Variants in TSHR observed in about 807,000 individuals in gnomAD.
The protein encoded by TSHR is thyroid stimulating hormone receptor, also known as thyrotropin receptor.
In TSHR, 51 loss-of-function variants were observed where a neutral mutation model predicts 64.1. The ratio of observed to expected loss-of-function variants is 0.80; its 90% CI spans 0.64 to 1.01. TSHR has a LOEUF of 1.01. TSHR is among the 50% of genes least tolerant of loss of function. The pLI is 0.00. For missense variants in TSHR, 877 were observed against 942.8 expected (o/e 0.93, Z 0.91); for synonymous variants, 361 against 361.9 (o/e 1.00, Z 0.03).
chr14:81,058,885 A>G (rs992503095), intron 1 of TSHR, among the ~76,000 whole-genome samples: 1 of 152,208 alleles, frequency 6.6e-6, no homozygotes, highest in Non-Finnish European at 1.5e-5. Context: ...TTCTTTGAGT[A>G]AAAGGCCTTC....
intron 7 of TSHR, chr14:81,099,525 T>A (rs1889435618): frequency 6.6e-6 from 1 of 152,144 alleles, no homozygotes; most frequent in African/African-American, 2.4e-5. Context: ...AATATCTTGA[T>A]CCTGAAAAGA....
chr14:81,086,064 T>C (rs971624167), intron 3 of TSHR, among the ~76,000 whole-genome samples: 1 of 152,206 alleles, frequency 6.6e-6, no homozygotes, highest in African/African-American at 2.4e-5. Flanking sequence ...TAGGTAAAAA[T>C]CATGACATAA....
chr14:81,055,012 C>A (rs146825600), intron 1 of TSHR, among the ~76,000 whole-genome samples: 222 of 152,180 alleles, frequency 1.5e-3, no homozygotes, highest in African/African-American at 5.2e-3. Context: ...TGTGGCAGCC[C>A]CTTTCATCAC....
intron 1 of TSHR, chr14:81,013,866 T>C (rs561410542): frequency 6.6e-6 from 1 of 152,302 alleles, no homozygotes; most frequent in East Asian, 1.9e-4. Flanking sequence ...TGGGATAGAG[T>C]ATAATCCTAG....
chr14:81,051,915 T>C (rs1885455305), intron 1 of TSHR: 2 of 152,158 alleles, frequency 1.3e-5, no homozygotes, highest in Non-Finnish European at 2.9e-5. Context: ...GAGTTCCTTA[T>C]ATATTTTTGA....
At chr14:80,957,812 AAG>A (rs1474944033) in intron 1 of TSHR, 5 of 152,208 alleles carry the variant, frequency 3.3e-5, no homozygotes, top group Admixed American at 1.3e-4. Flanking sequence ...TTCTGGGTAA[AAG>A]AGAATGTTCA....
At position 81,145,807 on chromosome 14, in the gene TSHR, C is replaced by A. The variant is rs1245903847; in HGVS notation, c.*1454C>A. 2 of 232,838 alleles carry A rather than the reference C, an allele frequency of 8.6e-6. No individual in the cohort carries two copies. The highest frequency in any genetic ancestry group is 1.7e-5 in the Non-Finnish European group (2 of 117,900). The allele number at this position is 232,838 out of a possible 1,614,324, so 14.4% of individuals were successfully genotyped here. On this transcript the variant is annotated 3_prime_UTR_variant, in exon 10 of 10. Transcript: ENST00000298171. The stretch of plus-strand genomic sequence containing the variant: ...GATCTTTATCTACAGATGTACTCTC[C>A]AGGTTACCTGTGATGATAGCCCCCT...
chr14:81,117,693 G>A lies in TSHR; in HGVS notation c.692+9241G>A, dbSNP rs1890583638. ...CATTTTATGAGGCCAGCATCATTCT[G>A]ATACCAAAGCCGGGCAGAGACACAA... is the stretch of plus-strand genomic sequence containing the variant. On this transcript the variant is annotated intron_variant, in intron 8 of 9. Coordinates refer to ENST00000298171, the MANE Select transcript of TSHR (RefSeq NM_000369.5). Among the ~76,000 whole-genome samples the A allele has an allele frequency of 3.3e-5, 3 of 90,862 alleles. No individual in the cohort carries two copies. The Admixed American group carries it at 3.5e-4, about 11-fold the overall frequency. 59.6% of individuals were successfully genotyped at this position (90,862 alleles called of 152,430 possible). A position where few individuals can be genotyped will look rare whatever the true frequency, so the allele number is the denominator to read the frequency against.
At position 81,085,104 on chromosome 14, in the gene TSHR, G is replaced by A. The variant is rs145678429; in HGVS notation, c.318-2850G>A. Among the ~76,000 whole-genome samples the A allele has an allele frequency of 3.9e-5, 6 of 152,244 alleles. No homozygotes were observed. The East Asian group carries it at 9.7e-4, about 25-fold the overall frequency. On this transcript the variant is annotated intron_variant, in intron 3 of 9. Transcript: ENST00000298171. ...GGCCTCCCAAATAGCTGGAATTACA[G>A]ACATAAGCCACCACACCCGGCTAAT...
chr14:81,046,360 G>A (rs78347131), intron 1 of TSHR, among the ~76,000 whole-genome samples: 1,523 of 152,066 alleles, frequency 0.01, 20 homozygotes, highest in Middle Eastern at 0.031. Flanking sequence ...AAGAAGACCT[G>A]AAAGGAACTT....
chr14:81,016,769 C>T (rs1883433907), intron 1 of TSHR, among the ~76,000 whole-genome samples: 2 of 151,992 alleles, frequency 1.3e-5, no homozygotes, highest in Non-Finnish European at 2.9e-5. Flanking sequence ...AGTTTGAGGA[C>T]TTATGTTTGG....
chr14:81,114,303 C>T (rs1189670598), intron 8 of TSHR, among the ~76,000 whole-genome samples: 1 of 152,116 alleles, frequency 6.6e-6, no homozygotes, highest in East Asian at 1.9e-4. Context: ...AGACAGTGGG[C>T]ACAGGTCAGT....
At chr14:81,088,873 G>T (rs1595087013) in intron 4 of TSHR, among the ~76,000 whole-genome samples, 1 of 152,066 alleles carries the variant, frequency 6.6e-6, no homozygotes, top group Admixed American at 6.6e-5. Flanking sequence ...TGAATAGAGG[G>T]TATCTTGAAC....
At chr14:80,959,115 G>A (rs939520833) in intron 1 of TSHR, among the ~76,000 whole-genome samples, 25 of 152,062 alleles carry the variant, frequency 1.6e-4, no homozygotes, top group East Asian at 1.5e-3. Context: ...AGAGAGTTAC[G>A]GACTGTGGCC....
chr14:80,983,158 C>G, intron 1 of TSHR: 1 of 941,260 alleles, frequency 1.1e-6, no homozygotes, highest in Non-Finnish European at 1.6e-6. Context: ...TGAGTAATTA[C>G]TCTGAATCCT....
intron 1 of TSHR, chr14:81,013,406 G>T (rs1890024253): frequency 6.6e-6 from 1 of 152,150 alleles, no homozygotes; most frequent in African/African-American, 2.4e-5. Context: ...TTTGGCTTAG[G>T]ATTGACTTGG....
At chr14:81,032,193 T>G (rs748826634) in intron 1 of TSHR, among the ~76,000 whole-genome samples, 2 of 152,186 alleles carry the variant, frequency 1.3e-5, no homozygotes, top group African/African-American at 4.8e-5. Context: ...TTGAGCAGCC[T>G]GAGACATCCA....
chr14:81,095,981 A>G (rs1889148186), intron 6 of TSHR, among the ~76,000 whole-genome samples: 1 of 150,768 alleles, frequency 6.6e-6, no homozygotes, highest in East Asian at 2.0e-4. Context: ...TCAAGGCTGC[A>G]GTGAGCCGTG....
intron 3 of TSHR, among the ~76,000 whole-genome samples, chr14:81,071,600 C>A (rs1018546310): frequency 6.6e-6 from 1 of 151,710 alleles, no homozygotes; most frequent in Admixed American, 6.6e-5. Context: ...CTTGTCTCTA[C>A]CAAAAAAAAA....
Sources: allele counts gnomAD v4.1 joint callset (sites outside exome capture counted in the v4.1 genomes callset), GRCh38; gene constraint gnomAD v4.1.1; transcripts MANE v1.5; gene names NCBI Gene and HGNC (gene_info 2026-07-23, HGNC 2026-07-21).